Variants in TNIK observed in about 807,000 individuals in gnomAD.
TNIK encodes the protein TRAF2 and NCK interacting kinase.
In TNIK, 49 loss-of-function variants were observed where a neutral mutation model predicts 191.3. The ratio of observed to expected loss-of-function variants is 0.26; its 90% CI spans 0.20 to 0.32. The LOEUF (loss-of-function observed/expected upper bound fraction) is 0.32. TNIK is among the 10% of genes least tolerant of loss of function. The probability of loss-of-function intolerance (pLI) is 1.00; values close to 1 mark genes in which losing one functional copy is unlikely to be tolerated. For missense variants in TNIK, 1,155 were observed against 1,702.3 expected (o/e 0.68, Z 5.66); for synonymous variants, 594 against 600.9 (o/e 0.99, Z 0.17).
intron 12 of TNIK, among the ~76,000 whole-genome samples, chr3:171,149,380 C>T (rs1732118489): frequency 6.6e-6 from 1 of 152,170 alleles, no homozygotes; most frequent in Admixed American, 6.5e-5. Flanking sequence ...CTAGCGTACT[C>T]TACCTTCCTA....
At chr3:171,435,263 T>G (rs929146583) in intron 1 of TNIK, among the ~76,000 whole-genome samples, 6 of 152,248 alleles carry the variant, frequency 3.9e-5, no homozygotes, top group Non-Finnish European at 8.8e-5. Context: ...TTGTGTTGCA[T>G]GACTTGCTTA....
At chr3:171,219,294 A>T (rs1170029722) in intron 3 of TNIK, among the ~76,000 whole-genome samples, 1 of 145,174 alleles carries the variant, frequency 6.9e-6, no homozygotes, top group Non-Finnish European at 1.5e-5. Flanking sequence ...AATGATATAT[A>T]TCATTTTATA....
At chr3:171,381,275 A>G (rs962541677) in intron 1 of TNIK, among the ~76,000 whole-genome samples, 1 of 152,192 alleles carries the variant, frequency 6.6e-6, no homozygotes, top group African/African-American at 2.4e-5. Context: ...TTCCACTGTC[A>G]AATAAGTTTG....
intron 2 of TNIK, among the ~76,000 whole-genome samples, chr3:171,340,500 C>T (rs1757407497): frequency 6.6e-6 from 1 of 152,206 alleles, no homozygotes; most frequent in South Asian, 2.1e-4. Flanking sequence ...AGTTAGTGAA[C>T]AAATCTACAG....
intron 22 of TNIK, among the ~76,000 whole-genome samples, 172 bp downstream of exon 22, chr3:171,101,277 C>CATAG (rs781577149): frequency 1.3e-5 from 2 of 152,044 alleles, no homozygotes; most frequent in South Asian, 2.1e-4. Context: ...TGATTGTGTC[C>CATAG]ATAGATAGAG....
chr3:171,230,691 C>A (rs1480481556), intron 2 of TNIK, among the ~76,000 whole-genome samples: 1 of 152,160 alleles, frequency 6.6e-6, no homozygotes, highest in Non-Finnish European at 1.5e-5. Context: ...TCTCTCTTTC[C>A]AGATTCAATT....
chr3:171,181,544 A>G (rs539579221), intron 7 of TNIK, among the ~76,000 whole-genome samples: 1 of 152,348 alleles, frequency 6.6e-6, no homozygotes, highest in South Asian at 2.1e-4. Context: ...TAGGGATGTG[A>G]CATAGTTTTC....
At chr3:171,286,849 A>ATAG (rs1263359513) in intron 2 of TNIK, among the ~76,000 whole-genome samples, 2 of 152,210 alleles carry the variant, frequency 1.3e-5, no homozygotes, top group East Asian at 3.8e-4. Context: ...GTGTGCTGTT[A>ATAG]TAGTCAGGGA....
chr3:171,320,267 A>G (rs1755032916), intron 2 of TNIK, among the ~76,000 whole-genome samples: 1 of 152,190 alleles, frequency 6.6e-6, no homozygotes, highest in African/African-American at 2.4e-5. Flanking sequence ...TTTAGTACCC[A>G]TGATGATATT....
chr3:171,271,180 A>C (rs1749048616), intron 2 of TNIK, among the ~76,000 whole-genome samples: 1 of 152,200 alleles, frequency 6.6e-6, no homozygotes, highest in African/African-American at 2.4e-5. Flanking sequence ...GTTCTGCAAC[A>C]ATTCTTTTCT....
At chr3:171,064,625 A>G (rs1718194720) in intron 32 of TNIK, among the ~76,000 whole-genome samples, 2 of 152,208 alleles carry the variant, frequency 1.3e-5, no homozygotes, top group Admixed American at 6.5e-5. Flanking sequence ...ACCACAGTCC[A>G]TTAGGTCTGA....
At chr3:171,432,293 T>C (rs547527810) in intron 1 of TNIK, among the ~76,000 whole-genome samples, 53 of 151,690 alleles carry the variant, frequency 3.5e-4, no homozygotes, top group African/African-American at 1.2e-3. Flanking sequence ...CAAAAATAAA[T>C]AAGGAAAAGG....
intron 1 of TNIK, among the ~76,000 whole-genome samples, chr3:171,444,508 G>A (rs74867140): frequency 0.035 from 5,267 of 150,088 alleles, 322 homozygotes; most frequent in African/African-American, 0.12. Flanking sequence ...ACAGGAAATC[G>A]ACATCAGAAG....
In TNIK at chr3:171,366,141, G is replaced by C; in HGVS notation, c.123+3479C>G. Reference sequence around the variant, plus strand: ...AACAGCCAAGACCTTTAGTAAATGGGTATGTGGCCTTTTGTTGGTTTATTT... The same window carrying C: ...AACAGCCAAGACCTTTAGTAAATGGCTATGTGGCCTTTTGTTGGTTTATTT... On this transcript the variant is annotated intron_variant, in intron 2 of 32. Transcript: ENST00000436636. This position sits in a 1 kb window ranked among gnomAD's most constrained non-coding sequence, Gnocchi z 4.1. Among the ~76,000 whole-genome samples the C allele has an allele frequency of 6.6e-6, 1 of 152,266 alleles. No individual in the cohort carries two copies. Among genetic ancestry groups the C allele is most frequent in the South Asian group, 2.1e-4 (1 of 4,826 alleles).
intron 29 of TNIK, 109 bp downstream of exon 29, chr3:171,071,114 T>C: frequency 1.4e-6 from 1 of 699,862 alleles, no homozygotes; most frequent in South Asian, 3.0e-5. Flanking sequence ...TTAAAACAGG[T>C]TTATTATCTA....
At chr3:171,198,006 A>C (rs1738915225) in intron 4 of TNIK, among the ~76,000 whole-genome samples, 1 of 152,232 alleles carries the variant, frequency 6.6e-6, no homozygotes, top group South Asian at 2.1e-4. Flanking sequence ...AAAAAGCAGA[A>C]AAAAACAAAA....
intron 5 of TNIK, among the ~76,000 whole-genome samples, 190 bp from the exon 6 acceptor site, chr3:171,190,977 C>A (rs148196719): frequency 2.0e-5 from 3 of 152,198 alleles, no homozygotes; most frequent in Non-Finnish European, 2.9e-5. Flanking sequence ...ATTAAAGTAC[C>A]CAGGCAGTCC....
At chr3:171,404,604 C>T (rs1721426480) in intron 1 of TNIK, among the ~76,000 whole-genome samples, 1 of 152,042 alleles carries the variant, frequency 6.6e-6, no homozygotes, top group African/African-American at 2.4e-5. Flanking sequence ...AGTCCTGCTT[C>T]ACAACTGCAG....
intron 1 of TNIK, among the ~76,000 whole-genome samples, chr3:171,394,995 C>T (rs1170901115): frequency 6.6e-6 from 1 of 152,032 alleles, no homozygotes; most frequent in African/African-American, 2.4e-5. Flanking sequence ...TAATTTTATA[C>T]CTAGAAAACA....
Sources: gnomAD v4.1 joint callset for allele counts (sites outside exome capture counted in the v4.1 genomes callset) on GRCh38, gnomAD v4.1.1 for gene constraint, Gnocchi (gnomAD v3.1) non-coding constraint, MANE v1.5 for transcripts, NCBI Gene and HGNC (gene_info 2026-07-23, HGNC 2026-07-21) for gene names.